Variants in MTREX observed in about 807,000 individuals in gnomAD.
MTREX encodes the protein exosome RNA helicase MTR4.
In MTREX, 76 loss-of-function variants were observed where a neutral mutation model predicts 135.4. The ratio of observed to expected loss-of-function variants is 0.56; its 90% CI spans 0.47 to 0.68. The LOEUF is 0.68. Ranked by LOEUF, MTREX falls within the 30% of genes least tolerant of loss-of-function variation. The pLI is 0.00. For synonymous variants in MTREX, 404 were observed against 401.6 expected (o/e 1.01, Z -0.07); for missense variants, 920 against 1,262.1 (o/e 0.73, Z 4.11).
At chr5:55,415,406 AAGGCCAGTTC>A (rs917996076) in intron 24 of MTREX, among the ~76,000 whole-genome samples, 1 of 152,182 alleles carries the variant, frequency 6.6e-6, no homozygotes, top group Non-Finnish European at 1.5e-5. Flanking sequence ...TTAAAATTAA[AAGGCCAGTTC>A]AGTGGAACAT....
chr5:55,403,938 T>G (rs575692372), intron 21 of MTREX, among the ~76,000 whole-genome samples: 11 of 152,340 alleles, frequency 7.2e-5, no homozygotes, highest in Middle Eastern at 3.4e-3. Flanking sequence ...GAACTCCATC[T>G]TTATCACTCA....
chr5:55,379,153 C>G lies in MTREX; in HGVS notation c.2010C>G (p.Gly670=). 1 of 1,609,132 alleles carries G rather than the reference C, an allele frequency of 6.2e-7. No individual in the cohort carries two copies. ...VKVKNEGDDF[G]WGVVVNFSKK... Reference sequence around the variant, plus strand: ...TAAAGAATGAAGGAGATGACTTTGGCTGGGGAGTAGTGGTGAATTTCTCAA... The same window carrying G: ...TAAAGAATGAAGGAGATGACTTTGGGTGGGGAGTAGTGGTGAATTTCTCAA... The change falls in exon 18 of 27, where the codon GGC becomes GGG. Residue 670 remains glycine, a synonymous_variant. Transcript: ENST00000230640.
At chr5:55,343,216 T>C in intron 7 of MTREX, 115 bp from the exon 8 acceptor site, 2 of 924,612 alleles carry the variant, frequency 2.2e-6, no homozygotes, top group Middle Eastern at 3.4e-4. Context: ...TAAAATATTC[T>C]TGAGTAAAGT....
At chr5:55,351,986 T>A (rs1474387092) in intron 13 of MTREX, among the ~76,000 whole-genome samples, 1 of 151,180 alleles carries the variant, frequency 6.6e-6, no homozygotes, top group Admixed American at 6.6e-5. Flanking sequence ...CATCCCCAAC[T>A]AATTTTTTTT....
At chr5:55,411,647 T>C (rs1455510999) in intron 23 of MTREX, among the ~76,000 whole-genome samples, 3 of 152,148 alleles carry the variant, frequency 2.0e-5, no homozygotes, top group African/African-American at 7.2e-5. Context: ...CAGCTGTTAG[T>C]GGCAATGATA....
rs1396861853 is a variant in MTREX, at chr5:55,405,463, G to A, written c.2520G>A (p.Lys840=). The change falls in exon 22 of 27, where the codon AAG becomes AAA. Residue 840 remains lysine (K), a synonymous_variant. Transcript: ENST00000230640. Reference sequence around the variant, plus strand: ...TTAAATCTGCAAAGCGAGAACTGAAGAAAGCAAGAACAGTCCTACAAATGG... The same window carrying A: ...TTAAATCTGCAAAGCGAGAACTGAAAAAAGCAAGAACAGTCCTACAAATGG... ...IDIKSAKREL[K]KARTVLQMDE... 1 of 1,613,638 alleles carries A rather than the reference G, an allele frequency of 6.2e-7. No homozygotes were observed.
At chr5:55,385,603 C>G (rs1355393186) in intron 18 of MTREX, among the ~76,000 whole-genome samples, 1 of 152,042 alleles carries the variant, frequency 6.6e-6, no homozygotes, top group Non-Finnish European at 1.5e-5. Context: ...ATATCAAAGA[C>G]TTTACTGAAT....
chr5:55,319,088 T>C lies in MTREX; in HGVS notation c.135-3239T>C, dbSNP rs1374439400. Among the ~76,000 whole-genome samples, 3 of 152,196 alleles carry C rather than the reference T, an allele frequency of 2.0e-5. No individual in the cohort carries two copies. In the East Asian group the frequency reaches 5.8e-4, roughly 29 times the overall value. Reference sequence around the variant, plus strand: ...TGTATGTTTGTGGATACATAATTTTTTCTGAACTGTTTAGAGTAAGTTGCA... The same window carrying C: ...TGTATGTTTGTGGATACATAATTTTCTCTGAACTGTTTAGAGTAAGTTGCA... On this transcript the variant is annotated intron_variant, in intron 1 of 26. Coordinates refer to ENST00000230640, the MANE Select transcript of MTREX (RefSeq NM_015360.5).
At chr5:55,419,544 TA>T (rs918667931) in intron 25 of MTREX, among the ~76,000 whole-genome samples, 13 of 152,240 alleles carry the variant, frequency 8.5e-5, no homozygotes, top group Admixed American at 8.5e-4. Flanking sequence ...TTATTTCCAT[TA>T]AACTAAATTT....
chr5:55,400,183 TTAC>T, intron 20 of MTREX, 47 bp from the exon 21 acceptor site: 1 of 1,392,330 alleles, frequency 7.2e-7, no homozygotes, highest in Non-Finnish European at 9.7e-7. Flanking sequence ...TGGTTTGGTC[TTAC>T]TAATTTTGAC....
chr5:55,349,590 G>A lies in MTREX; in HGVS notation c.1258G>A (p.Val420Ile). The A allele has an allele frequency of 2.5e-6, 4 of 1,599,250 alleles. No individual in the cohort carries two copies. Among genetic ancestry groups the A allele is most frequent in the African/African-American group, 2.7e-5 (2 of 74,608 alleles). Reference sequence around the variant, plus strand: ...TCTCCTAGATGAAGAAAAGAAGATGGTTGAAGAAGTATTCAGTAATGCAAT... The same window carrying A: ...TCTCCTAGATGAAGAAAAGAAGATGATTGAAGAAGTATTCAGTAATGCAAT... ...DFNTDEEKKM[V>I]EEVFSNAIDC... Residue 420 changes from valine to isoleucine, a missense_variant, in exon 12 of 27, where the codon GTT (valine) becomes ATT (isoleucine). By Grantham distance (29) the Val-to-Ile change is conservative (BLOSUM62 3). Transcript: ENST00000230640.
chr5:55,322,297 A>G (rs746366130), intron 1 of MTREX, 30 bp from the exon 2 acceptor site: 2 of 1,578,982 alleles, frequency 1.3e-6, no homozygotes, highest in Non-Finnish European at 1.7e-6. Flanking sequence ...TGGATACTGC[A>G]GAATTCATTC....
chr5:55,398,270 T>C (rs1579893248), intron 20 of MTREX, among the ~76,000 whole-genome samples: 1 of 91,762 alleles, frequency 1.1e-5, no homozygotes, highest in Admixed American at 1.4e-4. Flanking sequence ...AACAAGGAAG[T>C]GATTTTAACG....
intron 21 of MTREX, among the ~76,000 whole-genome samples, chr5:55,401,325 G>A (rs1366354302): frequency 6.6e-6 from 1 of 152,198 alleles, no homozygotes; most frequent in African/African-American, 2.4e-5. Context: ...ATGAGCCACC[G>A]CACCTGGCCT....
chr5:55,359,780 G>T (rs1749979635), intron 15 of MTREX, among the ~76,000 whole-genome samples: 1 of 152,090 alleles, frequency 6.6e-6, no homozygotes, highest in Non-Finnish European at 1.5e-5. Flanking sequence ...AACAGAATCG[G>T]ATTGCCAGAT....
intron 16 of MTREX, among the ~76,000 whole-genome samples, chr5:55,374,743 C>A (rs6886428): frequency 0.14 from 21,363 of 152,104 alleles, 1,896 homozygotes; most frequent in East Asian, 0.26. Context: ...TATATTTAAC[C>A]CTTTTATCAA....
chr5:55,410,738 A>C (rs1750873837), intron 23 of MTREX, 109 bp downstream of exon 23: 1 of 520,908 alleles, frequency 1.9e-6, no homozygotes, highest in African/African-American at 2.0e-5. Context: ...TTATAAGGTA[A>C]TGTTAATTGG....
chr5:55,372,021 CCTTATATCATTTT>C, intron 16 of MTREX, among the ~76,000 whole-genome samples: 1 of 152,052 alleles, frequency 6.6e-6, no homozygotes. Context: ...ATAGATATTT[CCTTATATCATTTT>C]CTTAAATTCC....
At chr5:55,405,020 G>A (rs942351677) in intron 21 of MTREX, among the ~76,000 whole-genome samples, 2 of 151,640 alleles carry the variant, frequency 1.3e-5, no homozygotes, top group East Asian at 3.9e-4. Flanking sequence ...TCACCATGTT[G>A]GCCAGGAACC....
Sources: gnomAD v4.1 joint callset for allele counts (sites outside exome capture counted in the v4.1 genomes callset) on GRCh38, gnomAD v4.1.1 for gene constraint, MANE v1.5 for transcripts, NCBI Gene and HGNC (gene_info 2026-07-23, HGNC 2026-07-21) for gene names.